Variants in PRKN observed in about 807,000 individuals in gnomAD.
PRKN encodes E3 ubiquitin-protein ligase parkin.
In PRKN, 56 loss-of-function variants were observed where a neutral mutation model predicts 59.5. The observed-to-expected ratio is 0.94, with a 90% CI of 0.76 to 1.18. The LOEUF (loss-of-function observed/expected upper bound fraction) is 1.18. Ranked by LOEUF, PRKN falls within the 50% of genes most tolerant of loss-of-function variation. The pLI is 0.00. For synonymous variants in PRKN, 250 were observed against 222.1 expected, an observed-to-expected ratio of 1.13 and a Z score of -1.12; for missense variants, 657 against 596.4, an observed-to-expected ratio of 1.10 and a Z score of -1.06.
rs115604757 is a variant in PRKN at position 162,725,042 on chromosome 6, C to A, written c.7+2620G>T. ...TGTAAGCTTGCTTCAAGCTAGCCCACCTCCGTTTGTGAAGTGTGTATAAAA... is the reference window on the plus strand; with the variant it reads ...TGTAAGCTTGCTTCAAGCTAGCCCAACTCCGTTTGTGAAGTGTGTATAAAA... On this transcript the variant is annotated intron_variant, in intron 1 of 11. Transcript: ENST00000366898. Among the ~76,000 whole-genome samples the A allele has an allele frequency of 7.2e-4, 109 of 152,330 alleles. 3 individuals carry two copies. The Middle Eastern group carries it at 0.044, about 62-fold the overall frequency.
At chr6:161,842,355 CCAGCTACTTGG>C (rs1393000974) in intron 6 of PRKN, among the ~76,000 whole-genome samples, 2 of 151,582 alleles carry the variant, frequency 1.3e-5, no homozygotes, top group Non-Finnish European at 2.9e-5. Context: ...ACCTGTAATC[CCAGCTACTTGG>C]GAGGCTGAGG....
intron 1 of PRKN, among the ~76,000 whole-genome samples, chr6:162,582,879 G>C (rs1478597238): frequency 6.6e-6 from 1 of 152,182 alleles, no homozygotes; most frequent in African/African-American, 2.4e-5. Context: ...TATATGGAAA[G>C]ACAGTGTTTA....
chr6:161,624,949 G>A (rs534613172), intron 7 of PRKN, among the ~76,000 whole-genome samples: 13 of 152,278 alleles, frequency 8.5e-5, no homozygotes, highest in African/African-American at 2.4e-4. Flanking sequence ...TGGAAAATAA[G>A]ACAATGGAAA....
intron 5 of PRKN, among the ~76,000 whole-genome samples, chr6:162,044,160 T>G (rs1784169143): frequency 6.6e-6 from 1 of 152,252 alleles, no homozygotes; most frequent in Non-Finnish European, 1.5e-5. Context: ...TCTCTTTTAC[T>G]CTTTTTGTTC....
chr6:161,873,706 T>C (rs1018215321), intron 6 of PRKN, among the ~76,000 whole-genome samples: 1 of 151,604 alleles, frequency 6.6e-6, no homozygotes, highest in Admixed American at 6.6e-5. Flanking sequence ...AGCATTTGAC[T>C]CTCGTCAAAA....
rs1780229725 is a variant in PRKN at position 162,569,651 on chromosome 6, A to G, written c.8-126178T>C. ...CTCCTTCAGCTGCACCAGCTCCACC[A>G]GGGCCATGGTTGTGAAGAAGATCAA... On this transcript the variant is annotated intron_variant, in intron 1 of 11. Coordinates refer to ENST00000366898, the MANE Select transcript of PRKN (RefSeq NM_004562.3). 5.8e-6 allele frequency: 4 copies of G among 692,450 alleles called. No homozygotes were observed. In the Admixed American group the frequency reaches 7.5e-5, roughly 13 times the overall value. 42.9% of individuals were successfully genotyped at this position (692,450 alleles called of 1,614,324 possible). A position where few individuals can be genotyped will look rare whatever the true frequency, so the allele number is the denominator to read the frequency against.
At chr6:162,089,363 C>A (rs1438682434) in intron 4 of PRKN, among the ~76,000 whole-genome samples, 1 of 152,050 alleles carries the variant, frequency 6.6e-6, no homozygotes, top group African/African-American at 2.4e-5. Context: ...TTCACACCTA[C>A]AAATATTGCT....
rs555457397 is a variant in PRKN at position 162,238,499 on chromosome 6, C to G, written c.412+24026G>C. On this transcript the variant is annotated intron_variant, in intron 3 of 11. Transcript: ENST00000366898. Reference sequence around the variant, plus strand: ...TGAAGACATAAGCTCTAATTCTGATCAAGCCTAGACAAAGCAACTTACATA... The same window carrying G: ...TGAAGACATAAGCTCTAATTCTGATGAAGCCTAGACAAAGCAACTTACATA... Among the ~76,000 whole-genome samples the G allele has an allele frequency of 4.6e-5, 7 of 152,230 alleles. No homozygotes were observed. In the South Asian group the frequency reaches 1.0e-3, roughly 23 times the overall value.
At position 161,430,632 on chromosome 6, in the gene PRKN, A is replaced by G. The variant is rs1243315121; in HGVS notation, c.1084-43755T>C. Reference sequence around the variant, plus strand: ...AGATCAAGACCATCCTGGCTAACACAGTGAAACCCTGTCTCTACTAAAAAT... The same window carrying G: ...AGATCAAGACCATCCTGGCTAACACGGTGAAACCCTGTCTCTACTAAAAAT... On this transcript the variant is annotated intron_variant, in intron 9 of 11. Transcript: ENST00000366898. 5.3e-5 allele frequency among the ~76,000 whole-genome samples: 8 copies of G among 151,512 alleles called. No homozygotes were observed. The South Asian group carries it at 1.3e-3, about 24-fold the overall frequency.
intron 7 of PRKN, among the ~76,000 whole-genome samples, chr6:161,639,625 G>T (rs1783663838): frequency 6.6e-6 from 1 of 152,186 alleles, no homozygotes; most frequent in African/African-American, 2.4e-5. Context: ...AGACAGCCCA[G>T]CCCCGATCCA....
At chr6:162,201,764 T>C (rs1182643326) in intron 3 of PRKN, among the ~76,000 whole-genome samples, 2 of 152,110 alleles carry the variant, frequency 1.3e-5, no homozygotes, top group African/African-American at 4.8e-5. Flanking sequence ...CAGTCACACA[T>C]AAAATAAGAA....
chr6:162,632,997 G>A (rs936493482), intron 1 of PRKN, among the ~76,000 whole-genome samples: 1 of 152,032 alleles, frequency 6.6e-6, no homozygotes, highest in Non-Finnish European at 1.5e-5. Flanking sequence ...ATTAAATAGT[G>A]TTAAGTTTCA....
At position 161,895,576 on chromosome 6, in the gene PRKN, A is replaced by C. The variant is rs34752282; in HGVS notation, c.734+77726T>G. On this transcript the variant is annotated intron_variant, in intron 6 of 11. Transcript: ENST00000366898. The stretch of plus-strand genomic sequence containing the variant: ...ACGCCCACCCCACCTGCCGTTATAC[A>C]CCCCAGTGAGGCTTCTGAGATTCAG... 4.9e-3 allele frequency among the ~76,000 whole-genome samples: 200 copies of C among 41,118 alleles called. 2 individuals carry two copies. The highest frequency in any genetic ancestry group is 0.014 in the East Asian group (15 of 1,096). The allele number at this position is 41,118 out of a possible 152,430, so 27.0% of individuals were successfully genotyped here.
At chr6:162,720,483 G>A (rs934414090) in intron 1 of PRKN, among the ~76,000 whole-genome samples, 2 of 126,448 alleles carry the variant, frequency 1.6e-5, no homozygotes, top group Admixed American at 1.0e-4. Context: ...TCGCTCTGTC[G>A]CCCAGGCCGG....
intron 2 of PRKN, among the ~76,000 whole-genome samples, chr6:162,433,246 A>G (rs1789621221): frequency 6.6e-6 from 1 of 152,260 alleles, no homozygotes; most frequent in Non-Finnish European, 1.5e-5. Context: ...CATATAAAAT[A>G]TAGGCATTAT....
chr6:161,852,524 A>G (rs1449897695), intron 6 of PRKN, among the ~76,000 whole-genome samples: 3 of 152,174 alleles, frequency 2.0e-5, no homozygotes, highest in African/African-American at 7.2e-5. Context: ...AAGGCCAGCA[A>G]GAGCAGAACA....
At chr6:161,746,464 A>G (rs1242022217) in intron 7 of PRKN, among the ~76,000 whole-genome samples, 1 of 151,748 alleles carries the variant, frequency 6.6e-6, no homozygotes, top group Non-Finnish European at 1.5e-5. Flanking sequence ...ACAGACACAT[A>G]CAAAAAAAGA....
chr6:161,664,185 C>A (rs1487077444), intron 7 of PRKN, among the ~76,000 whole-genome samples: 1 of 152,150 alleles, frequency 6.6e-6, no homozygotes, highest in African/African-American at 2.4e-5. Context: ...CCCAAATATC[C>A]AGCTGTGAGG....
chr6:162,323,353 T>G (rs1477573866), intron 2 of PRKN, among the ~76,000 whole-genome samples: 1 of 151,918 alleles, frequency 6.6e-6, no homozygotes, highest in African/African-American at 2.4e-5. Context: ...AGACAAGAAT[T>G]TCTTAGATAA....
Sources: gnomAD v4.1 joint callset for allele counts (sites outside exome capture counted in the v4.1 genomes callset) on GRCh38, gnomAD v4.1.1 for gene constraint, MANE v1.5 for transcripts, NCBI Gene and HGNC (gene_info 2026-07-23, HGNC 2026-07-21) for gene names.